The following ASCC3 variants were observed in gnomAD, a reference collection of about 807,000 sequenced individuals.
ASCC3 encodes the protein ASC-1 complex subunit P200.
In ASCC3, 158 loss-of-function variants were observed where a neutral mutation model predicts 256.3. The ratio of observed to expected loss-of-function variants is 0.62; its 90% CI spans 0.54 to 0.70. ASCC3 has a LOEUF of 0.70. Ranked by LOEUF, ASCC3 falls within the 30% of genes least tolerant of loss-of-function variation. The pLI is 0.00. For missense variants in ASCC3, 2,259 were observed against 2,626.0 expected, an observed-to-expected ratio of 0.86 and a Z score of 3.05; for synonymous variants, 948 against 883.4, an observed-to-expected ratio of 1.07 and a Z score of -1.30.
chr6:100,572,780 A>T (rs1770664207), intron 36 of ASCC3, among the ~76,000 whole-genome samples: 1 of 152,156 alleles, frequency 6.6e-6, no homozygotes, highest in Admixed American at 6.6e-5. Context: ...TGAACAAAAA[A>T]ATGCTGAAAT....
chr6:100,679,794 T>C (rs1777205282), intron 13 of ASCC3, 42 bp from the exon 14 acceptor site: 2 of 1,593,794 alleles, frequency 1.3e-6, no homozygotes. Flanking sequence ...TCCAATTAAT[T>C]AAATTACAGC....
intron 27 of ASCC3, among the ~76,000 whole-genome samples, chr6:100,628,693 T>C (rs1774378884): frequency 6.6e-6 from 1 of 152,128 alleles, no homozygotes; most frequent in Non-Finnish European, 1.5e-5. Flanking sequence ...AGCCACTACA[T>C]TTACTGTACA....
Position 100,530,176 on chromosome 6 carries a change from C to T in ASCC3, c.5775+9987G>A, listed in dbSNP as rs1774797433. 4.8e-6 allele frequency: 3 copies of T among 625,964 alleles called. No homozygotes were observed. The South Asian group carries it at 5.4e-5, about 11-fold the overall frequency. 38.8% of individuals were successfully genotyped at this position (625,964 alleles called of 1,614,324 possible). A position where few individuals can be genotyped will look rare whatever the true frequency, so the allele number is the denominator to read the frequency against. The stretch of plus-strand genomic sequence containing the variant: ...GTGCATGTGTGTGAGATGTGTTTTC[C>T]TTTCATGAATTAACATCATTTTTCT... On this transcript the variant is annotated intron_variant, in intron 37 of 41. Coordinates refer to ENST00000369162, the MANE Select transcript of ASCC3 (RefSeq NM_006828.4).
At chr6:100,656,260 A>T (rs1775910603) in intron 16 of ASCC3, among the ~76,000 whole-genome samples, 1 of 151,716 alleles carries the variant, frequency 6.6e-6, no homozygotes. Flanking sequence ...CTAATTCTGT[A>T]TACTGTCATC....
At chr6:100,589,484 T>C (rs1334564997) in intron 36 of ASCC3, 150 bp downstream of exon 36, 3 of 839,840 alleles carry the variant, frequency 3.6e-6, no homozygotes, top group Non-Finnish European at 5.5e-6. Flanking sequence ...TCTATGGGTA[T>C]CTTAGTCTAG....
intron 14 of ASCC3, among the ~76,000 whole-genome samples, chr6:100,676,861 G>C: frequency 6.6e-6 from 1 of 152,144 alleles, no homozygotes; most frequent in East Asian, 1.9e-4. Flanking sequence ...CTGTAAAGAA[G>C]TGCTTTTAAA....
chr6:100,538,528 A>G (rs1481730687), intron 37 of ASCC3, among the ~76,000 whole-genome samples: 2 of 152,128 alleles, frequency 1.3e-5, no homozygotes, highest in East Asian at 3.8e-4. Flanking sequence ...AAAACATTCA[A>G]ACATTTAAGA....
In ASCC3 at chr6:100,725,699, A is replaced by G; in HGVS notation, c.1742T>C (p.Leu581Pro). 6.2e-7 allele frequency: 1 copy of G among 1,612,362 alleles called. No individual in the cohort carries two copies. Among genetic ancestry groups the G allele is most frequent in the Non-Finnish European group, 8.5e-7 (1 of 1,178,830 alleles). The stretch of plus-strand genomic sequence containing the variant: ...ATCCCATTTTTCTGGTGTGGTCACA[A>G]GCATCTATAAGAGAAGACACATTTT... ...SKSEILRTQM[L>P]VTTPEKWDVV... is the part of the protein sequence containing the mutation. The change falls in exon 11 of 42, where the codon CTT becomes CCT. Residue 581 changes from leucine (L) to proline (P), a missense_variant. Coordinates refer to ENST00000369162, the MANE Select transcript of ASCC3 (RefSeq NM_006828.4).
At chr6:100,739,978 G>A (rs577925576) in intron 10 of ASCC3, among the ~76,000 whole-genome samples, 12 of 152,046 alleles carry the variant, frequency 7.9e-5, no homozygotes, top group South Asian at 4.1e-4. Flanking sequence ...TGCTAGCTTT[G>A]GGGTTTGTTT....
chr6:100,518,355 A>G lies in ASCC3; in HGVS notation c.5776-213T>C, dbSNP rs188706215. 3.0e-4 allele frequency among the ~76,000 whole-genome samples: 46 copies of G among 152,276 alleles called. No individual in the cohort carries two copies. In the East Asian group the frequency reaches 8.3e-3, roughly 27 times the overall value. ...ATTTACTGTACATTACTTCCTAAAA[A>G]GGGCCAAATAATCAGTTTTGTTAGG... On this transcript the variant is annotated intron_variant, in intron 37 of 41. Coordinates refer to ENST00000369162, the MANE Select transcript of ASCC3 (RefSeq NM_006828.4).
chr6:100,621,312 C>T (rs1773939379), intron 30 of ASCC3, among the ~76,000 whole-genome samples: 1 of 151,960 alleles, frequency 6.6e-6, no homozygotes, highest in Non-Finnish European at 1.5e-5. Flanking sequence ...ACATTTATAA[C>T]AAATATTTAT....
chr6:100,552,210 T>C (rs1180266903), intron 36 of ASCC3, among the ~76,000 whole-genome samples: 1 of 151,840 alleles, frequency 6.6e-6, no homozygotes, highest in Admixed American at 6.6e-5. Context: ...GTTAACTGAA[T>C]TTTAAGAGTT....
chr6:100,509,617 G>C lies in ASCC3; in HGVS notation c.6462-84C>G, dbSNP rs948913877. The C allele has an allele frequency of 2.2e-6, 3 of 1,365,888 alleles. No individual in the cohort carries two copies. The African/African-American group carries it at 4.4e-5, about 20-fold the overall frequency. 84.6% of individuals were successfully genotyped at this position (1,365,888 alleles called of 1,614,324 possible). On this transcript the variant is annotated intron_variant, in intron 41 of 41. Transcript: ENST00000369162. Reference sequence around the variant, plus strand: ...AATTCTTTCAGAACTTTGGTAGTAGGAGGCTGGGTGCGGTGGCTCACGCCT... The same window carrying C: ...AATTCTTTCAGAACTTTGGTAGTAGCAGGCTGGGTGCGGTGGCTCACGCCT...
At chr6:100,557,063 T>G (rs1769617804) in intron 36 of ASCC3, among the ~76,000 whole-genome samples, 1 of 152,180 alleles carries the variant, frequency 6.6e-6, no homozygotes, top group Admixed American at 6.5e-5. Context: ...ATGTTGAGTA[T>G]GTTCACAGAG....
In ASCC3 at chr6:100,512,784, T is replaced by C. The variant is rs946817287; in HGVS notation, c.6210A>G (p.Lys2070=). 1 of 1,614,166 alleles carries C rather than the reference T, an allele frequency of 6.2e-7. No individual in the cohort carries two copies. Among genetic ancestry groups the C allele is most frequent in the Non-Finnish European group, 8.5e-7 (1 of 1,180,006 alleles). Residue 2070 remains lysine (K), a synonymous_variant, in exon 40 of 42, where the codon AAA becomes AAG. Coordinates refer to ENST00000369162, the MANE Select transcript of ASCC3 (RefSeq NM_006828.4). The part of the protein sequence containing the change: ...TLTADKRDDN[K]WIKLHADQEY... Reference sequence around the variant, plus strand: ...CTTGGTCAGCATGCAATTTGATCCATTTGTTGTCATCTCGTTTGTCTGCAG... The same window carrying C: ...CTTGGTCAGCATGCAATTTGATCCACTTGTTGTCATCTCGTTTGTCTGCAG...
intron 13 of ASCC3, among the ~76,000 whole-genome samples, chr6:100,708,931 T>C (rs1025614099): frequency 2.0e-5 from 3 of 151,856 alleles, no homozygotes; most frequent in African/African-American, 7.3e-5. Context: ...ATTGCAATCG[T>C]GATTTAGAGG....
At chr6:100,821,959 G>C (rs980308144) in intron 4 of ASCC3, among the ~76,000 whole-genome samples, 1 of 152,110 alleles carries the variant, frequency 6.6e-6, no homozygotes, top group Non-Finnish European at 1.5e-5. Context: ...GTCCAAAATG[G>C]AGAAATCTCC....
At chr6:100,733,932 A>T (rs1780023548) in intron 10 of ASCC3, among the ~76,000 whole-genome samples, 2 of 152,200 alleles carry the variant, frequency 1.3e-5, no homozygotes, top group Admixed American at 1.3e-4. Flanking sequence ...CAAAATATAT[A>T]TACGCTCTCA....
In ASCC3 at chr6:100,715,495, TTC is replaced by T; in HGVS notation, c.2116_2117del (p.Glu706LysfsTer49). ...CAGCCTTTACTTGCTTCAAAACATT[TTC>T]ATAACATACTTCATCCATGTTATTC... ...QLNNMDEVCY[E>X]NVLKQVKAGH... On this transcript the variant is annotated frameshift_variant, in exon 13 of 42. Coordinates refer to ENST00000369162, the MANE Select transcript of ASCC3 (RefSeq NM_006828.4). LOFTEE classifies it high-confidence loss of function. 1 of 1,611,462 alleles carries T rather than the reference TTC, an allele frequency of 6.2e-7. No homozygotes were observed. Among genetic ancestry groups the T allele is most frequent in the Non-Finnish European group, 8.5e-7 (1 of 1,178,284 alleles).
Sources: allele counts gnomAD v4.1 joint callset (sites outside exome capture counted in the v4.1 genomes callset), GRCh38; gene constraint gnomAD v4.1.1; transcripts MANE v1.5; gene names NCBI Gene and HGNC (gene_info 2026-07-23, HGNC 2026-07-21).